MYBPC2: variants seen among roughly 807,000 people sequenced by gnomAD.
MYBPC2 encodes the protein myosin binding protein C2, also known as myosin-binding protein C, fast-type.
MYBPC2 carries 122 observed loss-of-function variants against 137.0 expected under a neutral mutation model. The ratio of observed to expected loss-of-function variants is 0.89; its 90% CI spans 0.77 to 1.03. The LOEUF is 1.03. Ranked by LOEUF, MYBPC2 falls within the 50% of genes least tolerant of loss-of-function variation. The pLI is 0.00. For synonymous variants in MYBPC2, 626 were observed against 612.3 expected (o/e 1.02, Z -0.33); for missense variants, 1,500 against 1,534.4 (o/e 0.98, Z 0.37).
intron 9 of MYBPC2, 129 bp downstream of exon 9, chr19:50,442,442 C>T: frequency 1.5e-6 from 2 of 1,316,234 alleles, no homozygotes; most frequent in African/African-American, 1.5e-5. Context: ...AGGCCGGGCA[C>T]AGTGGCTCAC....
chr19:50,437,398 C>T lies in MYBPC2; in HGVS notation c.464-75C>T, dbSNP rs1412083061. On this transcript the variant is annotated intron_variant, in intron 5 of 27. Coordinates refer to ENST00000357701, the MANE Select transcript of MYBPC2 (RefSeq NM_004533.4). The stretch of plus-strand genomic sequence containing the variant: ...GGGGCCTGGAAGAGGTTGTGCAGGC[C>T]TGGAGAGGGGCTCTCAGTCTAAGAT... The T allele has an allele frequency of 4.0e-6, 6 of 1,483,570 alleles. No homozygotes were observed. The Admixed American group carries it at 9.7e-5, about 24-fold the overall frequency. 91.9% of individuals were successfully genotyped at this position (1,483,570 alleles called of 1,614,324 possible).
intron 23 of MYBPC2, among the ~76,000 whole-genome samples, chr19:50,459,610 T>A (rs934657947): frequency 8.1e-5 from 1 of 12,316 alleles, no homozygotes; most frequent in African/African-American, 4.3e-4. Flanking sequence ...AGATGGGGGG[T>A]AGGAGAGGAG....
chr19:50,456,518 C>T (rs2039916241), intron 20 of MYBPC2, among the ~76,000 whole-genome samples: 1 of 151,608 alleles, frequency 6.6e-6, no homozygotes, highest in African/African-American at 2.4e-5. Context: ...GCAAGCTCCA[C>T]CTTCCAGGTT....
chr19:50,462,261 A>T (rs2039979506), intron 26 of MYBPC2, among the ~76,000 whole-genome samples: 1 of 151,284 alleles, frequency 6.6e-6, no homozygotes, highest in African/African-American at 2.4e-5. Context: ...ATCACAGCTC[A>T]CTGCAACTTT....
chr19:50,440,058 G>C (rs962614322), intron 7 of MYBPC2, among the ~76,000 whole-genome samples: 1 of 152,160 alleles, frequency 6.6e-6, no homozygotes, highest in African/African-American at 2.4e-5. Flanking sequence ...ACTTTGGGGG[G>C]AGTGACGGAA....
intron 7 of MYBPC2, among the ~76,000 whole-genome samples, chr19:50,438,639 G>C (rs777301905): frequency 1.3e-5 from 2 of 152,044 alleles, no homozygotes; most frequent in Non-Finnish European, 2.9e-5. Flanking sequence ...ACCAGTGTGG[G>C]AAGATCACAT....
At chr19:50,460,883 G>A (rs938203550) in intron 24 of MYBPC2, among the ~76,000 whole-genome samples, 5 of 151,994 alleles carry the variant, frequency 3.3e-5, no homozygotes, top group South Asian at 2.1e-4. Flanking sequence ...TAGAGACAGG[G>A]TCTCAGTATG....
At chr19:50,463,862 C>A (rs2039991156) in intron 26 of MYBPC2, among the ~76,000 whole-genome samples, 2 of 151,792 alleles carry the variant, frequency 1.3e-5, no homozygotes, top group South Asian at 4.2e-4. Context: ...TTGCTTAAAC[C>A]CGGGAGGTGG....
chr19:50,453,896 G>A lies in MYBPC2; in HGVS notation c.1750-124G>A, dbSNP rs1221893710. 23 of 1,113,318 alleles carry A rather than the reference G, an allele frequency of 2.1e-5. 1 individual carries two copies. Among genetic ancestry groups the A allele is most frequent in the South Asian group, 4.7e-5 (3 of 63,208 alleles). The allele number at this position is 1,113,318 out of a possible 1,614,324, so 69.0% of individuals were successfully genotyped here. The stretch of plus-strand genomic sequence containing the variant: ...TGGAGGGCGAGGAGGGCAGTGGAGC[G>A]AGTGAGGACTCTGTGTGTTGATGGG... On this transcript the variant is annotated intron_variant, in intron 16 of 27. Transcript: ENST00000357701.
At chr19:50,459,813 G>A (rs1302236516) in intron 23 of MYBPC2, among the ~76,000 whole-genome samples, 1 of 148,652 alleles carries the variant, frequency 6.7e-6, no homozygotes, top group Non-Finnish European at 1.5e-5. Flanking sequence ...TGGGTGAAGA[G>A]AGGAAGTGGG....
In MYBPC2 at chr19:50,465,822, T is replaced by G. The variant is rs2040010783; in HGVS notation, c.3416-373T>G. On this transcript the variant is annotated intron_variant, in intron 27 of 27. Coordinates refer to ENST00000357701, the MANE Select transcript of MYBPC2 (RefSeq NM_004533.4). The surrounding 1 kb of genome is among the most constrained non-coding windows in gnomAD (Gnocchi z 4.5). ...ATGGCACCACTGCACTCCAGCCTGG[T>G]GCAACAGAGTGAGACTCTGTCTCAA... Among the ~76,000 whole-genome samples, 1 of 152,056 alleles carries G rather than the reference T, an allele frequency of 6.6e-6. No homozygotes were observed. Among genetic ancestry groups the G allele is most frequent in the Admixed American group, 6.6e-5 (1 of 15,262 alleles).
intron 20 of MYBPC2, among the ~76,000 whole-genome samples, chr19:50,457,895 G>T (rs2122612500): frequency 6.6e-6 from 1 of 150,974 alleles, no homozygotes; most frequent in South Asian, 2.1e-4. Flanking sequence ...GGCCAGGCTG[G>T]TCTTGAACTC....
At chr19:50,446,717 G>A (rs182649058) in intron 12 of MYBPC2, among the ~76,000 whole-genome samples, 9 of 151,416 alleles carry the variant, frequency 5.9e-5, no homozygotes, top group Non-Finnish European at 8.8e-5. Flanking sequence ...CTACTCGGGA[G>A]GCTGAGGCAG....
At chr19:50,455,029 A>C (rs1338414076) in intron 18 of MYBPC2, 79 bp from the exon 19 acceptor site, 1 of 1,366,124 alleles carries the variant, frequency 7.3e-7, no homozygotes, top group African/African-American at 1.5e-5. Context: ...GATCCTCTGG[A>C]TGTGGCCCTC....
intron 16 of MYBPC2, among the ~76,000 whole-genome samples, chr19:50,453,208 C>G (rs2039876829): frequency 6.6e-6 from 1 of 152,212 alleles, no homozygotes; most frequent in Non-Finnish European, 1.5e-5. Context: ...CCTGCATCAG[C>G]CTCCCAAAGT....
chr19:50,460,132 A>G lies in MYBPC2; in HGVS notation c.2884A>G (p.Ser962Gly), dbSNP rs772868068. 2 of 1,583,686 alleles carry G rather than the reference A, an allele frequency of 1.3e-6. No homozygotes were observed. Among genetic ancestry groups the G allele is most frequent in the Non-Finnish European group, 1.7e-6 (2 of 1,166,360 alleles). Residue 962 changes from serine (S) to glycine (G), a missense_variant, in exon 24 of 28, where the codon AGT (serine) becomes GGT (glycine). Coordinates refer to ENST00000357701, the MANE Select transcript of MYBPC2 (RefSeq NM_004533.4). ...EWQAPKDDGNSEIMGYFVQKA... is the reference protein window; with the variant it reads ...EWQAPKDDGNGEIMGYFVQKA... ...GCAGGCCCCCAAAGATGATGGGAACAGTGAGATCATGGGGTATTTCGTCCA... is the reference window on the plus strand; with the variant it reads ...GCAGGCCCCCAAAGATGATGGGAACGGTGAGATCATGGGGTATTTCGTCCA...
At chr19:50,445,843 G>C in intron 11 of MYBPC2, 37 bp from the exon 12 acceptor site, 2 of 1,565,820 alleles carry the variant, frequency 1.3e-6, no homozygotes, top group Non-Finnish European at 8.7e-7. Flanking sequence ...GAGCTGTGCT[G>C]TCTCCTCACA....
At chr19:50,459,039 G>C (rs1272130145) in intron 22 of MYBPC2, 33 bp downstream of exon 22, 2 of 1,577,436 alleles carry the variant, frequency 1.3e-6, no homozygotes, top group Admixed American at 3.6e-5. Context: ...CCGGGGGTCC[G>C]CTCTCGCCGC....
rs1458771984 is a variant in MYBPC2 at position 50,451,401 on chromosome 19, C to T, written c.1609+92C>T. ...AATGGCCGAGGGAGGATAGGCAGGGCGAGGAAGGATGGGCGGGGTGCGGGA... is the reference window on the plus strand; with the variant it reads ...AATGGCCGAGGGAGGATAGGCAGGGTGAGGAAGGATGGGCGGGGTGCGGGA... On this transcript the variant is annotated intron_variant, in intron 15 of 27. Transcript: ENST00000357701. 24 of 1,133,760 alleles carry T rather than the reference C, an allele frequency of 2.1e-5. No homozygotes were observed. In the East Asian group the frequency reaches 3.4e-4, roughly 16 times the overall value. The allele number at this position is 1,133,760 out of a possible 1,614,324, so 70.2% of individuals were successfully genotyped here.
Sources: gnomAD v4.1 joint callset for allele counts (sites outside exome capture counted in the v4.1 genomes callset) on GRCh38, gnomAD v4.1.1 for gene constraint, Gnocchi (gnomAD v3.1) non-coding constraint, MANE v1.5 for transcripts, NCBI Gene and HGNC (gene_info 2026-07-23, HGNC 2026-07-21) for gene names.